Variants in SUPV3L1 observed in about 807,000 individuals in gnomAD.
SUPV3L1 encodes Suv3 like RNA helicase.
A neutral mutation model predicts 70.0 loss-of-function variants in SUPV3L1; 35 were observed. The observed-to-expected ratio is 0.50, with a 90% CI of 0.38 to 0.66. SUPV3L1 has a LOEUF of 0.66. SUPV3L1 is among the 30% of genes least tolerant of loss of function. The probability of loss-of-function intolerance (pLI) is 0.00; values close to 1 mark genes in which losing one functional copy is unlikely to be tolerated. For synonymous variants in SUPV3L1, 364 were observed against 341.9 expected (o/e 1.06, Z -0.71); for missense variants, 777 against 961.5 (o/e 0.81, Z 2.54).
At chr10:69,190,894 C>T (rs1842373528) in intron 5 of SUPV3L1, among the ~76,000 whole-genome samples, 1 of 152,232 alleles carries the variant, frequency 6.6e-6, no homozygotes, top group South Asian at 2.1e-4. Flanking sequence ...ACCAAGAGTC[C>T]TCCATTCTGG....
At chr10:69,182,502 A>G in intron 1 of SUPV3L1, 1 of 984,966 alleles carries the variant, frequency 1.0e-6, no homozygotes, top group Non-Finnish European at 1.2e-6. Flanking sequence ...AATATTGATA[A>G]ATTCTTATTT....
chr10:69,191,787 A>G, intron 6 of SUPV3L1, 21 bp downstream of exon 6: 1 of 1,574,472 alleles, frequency 6.4e-7, no homozygotes, highest in African/African-American at 1.4e-5. Flanking sequence ...GCTGTTTAAG[A>G]AACTATGGTT....
chr10:69,206,063 C>T (rs763239983), intron 13 of SUPV3L1, among the ~76,000 whole-genome samples: 1 of 152,044 alleles, frequency 6.6e-6, no homozygotes, highest in Non-Finnish European at 1.5e-5. Flanking sequence ...TCCCTGCTCT[C>T]TCTGCATAGC....
intron 1 of SUPV3L1, among the ~76,000 whole-genome samples, chr10:69,184,985 AG>A (rs1224401454): frequency 6.6e-6 from 1 of 152,200 alleles, no homozygotes; most frequent in Non-Finnish European, 1.5e-5. Flanking sequence ...ATACAATCTC[AG>A]CTTGATTAGT....
chr10:69,206,553 T>C (rs1419141586), intron 13 of SUPV3L1, among the ~76,000 whole-genome samples: 2 of 152,208 alleles, frequency 1.3e-5, no homozygotes, highest in African/African-American at 4.8e-5. Flanking sequence ...TCCCCAGCAG[T>C]GTCTTGTGGT....
At chr10:69,206,660 C>T (rs1203898821) in intron 13 of SUPV3L1, among the ~76,000 whole-genome samples, 2 of 152,306 alleles carry the variant, frequency 1.3e-5, no homozygotes, top group East Asian at 3.9e-4. Flanking sequence ...GAGGCAGATC[C>T]AAGATTGACT....
At chr10:69,185,858 TA>T in intron 1 of SUPV3L1, 128 bp from the exon 2 acceptor site, 2 of 757,138 alleles carry the variant, frequency 2.6e-6, no homozygotes, top group South Asian at 3.0e-5. Context: ...AAGGATCGAC[TA>T]AAACCTTCTA....
At chr10:69,202,415 G>C (rs376201560) in intron 11 of SUPV3L1, 24 bp from the exon 12 acceptor site, 122 of 1,591,264 alleles carry the variant, frequency 7.7e-5, no homozygotes, top group Non-Finnish European at 1.0e-4. Context: ...ATCAGCTTAT[G>C]ATTGTTTTTT....
intron 6 of SUPV3L1, 39 bp from the exon 7 acceptor site, chr10:69,195,149 A>G (rs1842508726): frequency 6.6e-7 from 1 of 1,513,798 alleles, no homozygotes; most frequent in South Asian, 1.2e-5. Flanking sequence ...ATACTATTTA[A>G]GTAGATGGTA....
intron 9 of SUPV3L1, 133 bp downstream of exon 9, chr10:69,198,685 TATAAA>T (rs1842607567): frequency 1.3e-6 from 1 of 789,504 alleles, no homozygotes; most frequent in Non-Finnish European, 1.9e-6. Context: ...TTAAACGTCA[TATAAA>T]ATAAATAATT....
chr10:69,190,429 CTTTTT>C (rs67423329), intron 5 of SUPV3L1, among the ~76,000 whole-genome samples: 1 of 149,496 alleles, frequency 6.7e-6, no homozygotes, highest in African/African-American at 2.5e-5. Context: ...TTTGCATTCT[CTTTTT>C]TTTTTTCTGA....
intron 1 of SUPV3L1, chr10:69,182,470 A>C: frequency 1.0e-6 from 1 of 954,602 alleles, no homozygotes; most frequent in East Asian, 1.2e-4. Context: ...TTTGGATGAG[A>C]TAATTTGCCT....
At chr10:69,186,379 T>G in intron 2 of SUPV3L1, 64 bp from the exon 3 acceptor site, 4 of 1,034,614 alleles carry the variant, frequency 3.9e-6, no homozygotes, top group Non-Finnish European at 4.5e-6. Flanking sequence ...TTTGGTGTGG[T>G]GTGTCTGTGT....
intron 13 of SUPV3L1, among the ~76,000 whole-genome samples, chr10:69,207,370 T>C (rs972395563): frequency 2.0e-5 from 3 of 152,188 alleles, no homozygotes; most frequent in Non-Finnish European, 1.5e-5. Context: ...TGGAGTGCAG[T>C]GGCACGATCA....
chr10:69,180,700 C>T, intron 1 of SUPV3L1, 138 bp downstream of exon 1: 1 of 1,199,650 alleles, frequency 8.3e-7, no homozygotes, highest in Non-Finnish European at 1.2e-6. Flanking sequence ...GTGTCTGCCT[C>T]CTTCGCTGGT....
intron 5 of SUPV3L1, 118 bp from the exon 6 acceptor site, chr10:69,191,537 T>A (rs921936433): frequency 8.5e-6 from 7 of 824,122 alleles, no homozygotes; most frequent in Non-Finnish European, 1.4e-5. Context: ...GTGGGAACAT[T>A]ATGTTTTAAC....
Position 69,185,975 on chromosome 10 carries a change from T to C in SUPV3L1, c.272-12T>C, listed in dbSNP as rs755599586. ...GATAAGGAAACGTTAAATTTTGACATCTCTCTTCTAGATGAAGTAAAGAAG... is the reference window on the plus strand; with the variant it reads ...GATAAGGAAACGTTAAATTTTGACACCTCTCTTCTAGATGAAGTAAAGAAG... On this transcript the variant is annotated splice_polypyrimidine_tract_variant and intron_variant, in intron 1 of 14. Transcript: ENST00000359655. 14 of 1,593,184 alleles carry C rather than the reference T, an allele frequency of 8.8e-6. No homozygotes were observed. Among genetic ancestry groups the C allele is most frequent in the Non-Finnish European group, 1.2e-5 (14 of 1,166,576 alleles).
In SUPV3L1 at chr10:69,202,510, C is replaced by T. The variant is rs1258099875; in HGVS notation, c.1590C>T (p.Ser530=). The part of the protein sequence containing the change: ...FAYHLPDATL[S]NLIDIFVDFS... ...ACCATCTCCCTGATGCAACACTGTCCAATCTCATTGTAAGTGGAAACTCCC... is the reference window on the plus strand; with the variant it reads ...ACCATCTCCCTGATGCAACACTGTCTAATCTCATTGTAAGTGGAAACTCCC... Residue 530 remains serine (S), a synonymous_variant, in exon 12 of 15, where the codon TCC becomes TCT. Coordinates refer to ENST00000359655, the MANE Select transcript of SUPV3L1 (RefSeq NM_003171.5). The T allele has an allele frequency of 6.2e-7, 1 of 1,612,276 alleles. No homozygotes were observed. Among genetic ancestry groups the T allele is most frequent in the East Asian group, 2.2e-5 (1 of 44,818 alleles).
At chr10:69,206,316 G>A (rs554814180) in intron 13 of SUPV3L1, among the ~76,000 whole-genome samples, 9 of 152,222 alleles carry the variant, frequency 5.9e-5, no homozygotes, top group Non-Finnish European at 1.2e-4. Flanking sequence ...ATCTAAAACT[G>A]CTCTTCCTCT....
Sources: gnomAD v4.1 joint callset for allele counts (sites outside exome capture counted in the v4.1 genomes callset) on GRCh38, gnomAD v4.1.1 for gene constraint, MANE v1.5 for transcripts, NCBI Gene and HGNC (gene_info 2026-07-23, HGNC 2026-07-21) for gene names.